Variants in COL14A1 observed in about 807,000 individuals in gnomAD.
COL14A1 encodes collagen alpha-1(XIV) chain.
COL14A1 carries 136 observed loss-of-function variants against 230.3 expected under a neutral mutation model. The observed-to-expected ratio is 0.59, with a 90% CI of 0.51 to 0.68. The LOEUF (loss-of-function observed/expected upper bound fraction) is 0.68. COL14A1 is among the 30% of genes least tolerant of loss of function. The pLI is 0.00. For missense variants in COL14A1, 1,976 were observed against 2,215.8 expected (o/e 0.89, Z 2.17); for synonymous variants, 792 against 784.1 (o/e 1.01, Z -0.17).
At chr8:120,340,265 A>G (rs534749370) in intron 42 of COL14A1, among the ~76,000 whole-genome samples, 3 of 152,258 alleles carry the variant, frequency 2.0e-5, no homozygotes, top group Non-Finnish European at 4.4e-5. Context: ...GTGACAGCAC[A>G]TTTGTAGCTT....
At position 120,372,444 on chromosome 8, in the gene COL14A1, G is replaced by T. The variant is rs1812191180; in HGVS notation, c.*1213G>T. On this transcript the variant is annotated 3_prime_UTR_variant, in exon 48 of 48. Coordinates refer to ENST00000297848, the MANE Select transcript of COL14A1 (RefSeq NM_021110.4). ...ACCCTTAAACCATACTTTGTCTTTT[G>T]CTCACAAAGGAAAAATCTAGGTATT... 6.6e-6 allele frequency among the ~76,000 whole-genome samples: 1 copy of T among 152,084 alleles called. No homozygotes were observed. The highest frequency in any genetic ancestry group is 2.1e-4 in the South Asian group (1 of 4,818).
chr8:120,296,632 A>G (rs1423611154), intron 34 of COL14A1, among the ~76,000 whole-genome samples: 5 of 151,980 alleles, frequency 3.3e-5, no homozygotes, highest in African/African-American at 1.2e-4. Flanking sequence ...CACACTCTTA[A>G]TATTTGAAAA....
At chr8:120,147,321 G>C (rs1815130071) in intron 1 of COL14A1, among the ~76,000 whole-genome samples, 1 of 152,094 alleles carries the variant, frequency 6.6e-6, no homozygotes, top group Admixed American at 6.5e-5. Flanking sequence ...CCAGTGAGGG[G>C]AAGTCTGAGT....
chr8:120,334,228 A>G (rs1821973052), intron 42 of COL14A1, among the ~76,000 whole-genome samples: 1 of 152,188 alleles, frequency 6.6e-6, no homozygotes, highest in African/African-American at 2.4e-5. Context: ...GCCATGATTC[A>G]TGTGAGGCAT....
At chr8:120,349,340 C>T (rs1189001969) in intron 45 of COL14A1, among the ~76,000 whole-genome samples, 1 of 150,598 alleles carries the variant, frequency 6.6e-6, no homozygotes, top group Non-Finnish European at 1.5e-5. Flanking sequence ...TCTCCTCCTC[C>T]AAGGGAACGC....
intron 1 of COL14A1, among the ~76,000 whole-genome samples, chr8:120,136,988 G>T (rs910827668): frequency 1.5e-5 from 2 of 131,574 alleles, no homozygotes; most frequent in Non-Finnish European, 3.2e-5. Flanking sequence ...AAAAAAAAAA[G>T]GTTATGCTAG....
intron 17 of COL14A1, among the ~76,000 whole-genome samples, chr8:120,228,384 A>G (rs1818160430): frequency 6.6e-6 from 1 of 152,212 alleles, no homozygotes; most frequent in Admixed American, 6.5e-5. Flanking sequence ...AGCACTGTCT[A>G]ATTTCCCTTA....
chr8:120,278,955 G>A (rs151132859), intron 28 of COL14A1, among the ~76,000 whole-genome samples: 5 of 151,968 alleles, frequency 3.3e-5, no homozygotes, highest in Non-Finnish European at 7.4e-5. Context: ...ATAAGCCATG[G>A]AATACTATGC....
At chr8:120,170,426 A>G (rs1816059544) in intron 5 of COL14A1, among the ~76,000 whole-genome samples, 1 of 152,042 alleles carries the variant, frequency 6.6e-6, no homozygotes, top group Admixed American at 6.6e-5. Context: ...ATATGCTATT[A>G]ATTTCTAAAC....
chr8:120,274,662 G>A (rs938700843), intron 26 of COL14A1, among the ~76,000 whole-genome samples: 5 of 151,750 alleles, frequency 3.3e-5, no homozygotes, highest in African/African-American at 4.8e-5. Flanking sequence ...CAAATCAGTA[G>A]CACTGCTATA....
In COL14A1 at chr8:120,345,516, C is replaced by G; in HGVS notation, c.5030C>G (p.Pro1677Arg). 2 of 1,577,952 alleles carry G rather than the reference C, an allele frequency of 1.3e-6. No individual in the cohort carries two copies. The highest frequency in any genetic ancestry group is 1.7e-6 in the Non-Finnish European group (2 of 1,167,464). The stretch of plus-strand genomic sequence containing the variant: ...GGTGAACAAGGACCCCCAGGCACAC[C>G]AGGCTTCCCCGGAAATGCAGGCGTG... ...APGEQGPPGT[P>R]GFPGNAGVPG... Residue 1677 changes from proline to arginine, a missense_variant, in exon 45 of 48, where the codon CCA becomes CGA. Around this residue, in one of 3 missense-constraint regions of COL14A1, gnomAD observed 1,791 missense variants for 2,019.5 expected, o/e 0.89. Coordinates refer to ENST00000297848, the MANE Select transcript of COL14A1 (RefSeq NM_021110.4).
At chr8:120,340,443 G>A (rs1425264051) in intron 42 of COL14A1, among the ~76,000 whole-genome samples, 3 of 152,178 alleles carry the variant, frequency 2.0e-5, no homozygotes, top group South Asian at 2.1e-4. Flanking sequence ...AAGATACCGA[G>A]TTTGGCTTGG....
chr8:120,216,724 T>C (rs1817762393), intron 14 of COL14A1, among the ~76,000 whole-genome samples: 1 of 152,184 alleles, frequency 6.6e-6, no homozygotes. Context: ...AGCTATCTCA[T>C]GGCATCTTTA....
At chr8:120,256,787 G>T (rs1819166477) in intron 23 of COL14A1, among the ~76,000 whole-genome samples, 1 of 152,142 alleles carries the variant, frequency 6.6e-6, no homozygotes. Flanking sequence ...AATGGTATTT[G>T]CTAAGCCTAA....
At position 120,193,996 on chromosome 8, in the gene COL14A1, G is replaced by A. The variant is rs565908587; in HGVS notation, c.437-2795G>A. Among the ~76,000 whole-genome samples the A allele has an allele frequency of 3.2e-4, 48 of 152,288 alleles. No homozygotes were observed. The South Asian group carries it at 3.3e-3, about 11-fold the overall frequency. On this transcript the variant is annotated intron_variant, in intron 5 of 47. Transcript: ENST00000297848. ...GAAAGGGAACTCCCTGACCCCTTGC[G>A]CTTCCCGGGTGAGGCAATGCCTCGC...
At chr8:120,225,815 A>C (rs1355831258) in intron 15 of COL14A1, among the ~76,000 whole-genome samples, 1 of 152,104 alleles carries the variant, frequency 6.6e-6, no homozygotes, top group Non-Finnish European at 1.5e-5. Context: ...CATGGATTGC[A>C]CTTGGAAACA....
At position 120,162,533 on chromosome 8, in the gene COL14A1, G is replaced by T. The variant is rs773974866; in HGVS notation, c.313G>T (p.Asp105Tyr). The change falls in exon 4 of 48, where the codon GAT becomes TAT. Residue 105 changes from aspartate to tyrosine, a missense_variant. Coordinates refer to ENST00000297848, the MANE Select transcript of COL14A1 (RefSeq NM_021110.4). Reference sequence around the variant, plus strand: ...AGTTCAAATTATTGCATACAATAAAGATAAAGAAAGCAAGCCAGCTCAAGG... The same window carrying T: ...AGTTCAAATTATTGCATACAATAAATATAAAGAAAGCAAGCCAGCTCAAGG... ...YTVQIIAYNK[D>Y]KESKPAQGQF... 1 of 1,608,766 alleles carries T rather than the reference G, an allele frequency of 6.2e-7. No individual in the cohort carries two copies.
intron 46 of COL14A1, among the ~76,000 whole-genome samples, chr8:120,367,708 A>G (rs1195207108): frequency 6.6e-6 from 1 of 151,458 alleles, no homozygotes; most frequent in Non-Finnish European, 1.5e-5. Flanking sequence ...AGCTGAGGCA[A>G]GAGGATCACT....
rs1265642493 is a variant in COL14A1 at position 120,231,902 on chromosome 8, T to C, written c.2349+284T>C. ...CCTTGCACCTGTTCGAGCACCAAAG[T>C]TGGGTCATAAAAGGCCATATGCACT... On this transcript the variant is annotated intron_variant, in intron 19 of 47. Coordinates refer to ENST00000297848, the MANE Select transcript of COL14A1 (RefSeq NM_021110.4). 1.3e-5 allele frequency: 4 copies of C among 307,540 alleles called. No individual in the cohort carries two copies. In the Admixed American group the frequency reaches 1.8e-4, roughly 14 times the overall value. The allele number at this position is 307,540 out of a possible 1,614,324, so 19.1% of individuals were successfully genotyped here.
Sources: allele counts gnomAD v4.1 joint callset (sites outside exome capture counted in the v4.1 genomes callset), GRCh38; gene constraint gnomAD v4.1.1; regional missense constraint gnomAD v4.1.1; transcripts MANE v1.5; gene names NCBI Gene and HGNC (gene_info 2026-07-23, HGNC 2026-07-21).